LPP: variants seen among roughly 807,000 people sequenced by gnomAD.
LPP encodes LIM domain containing preferred translocation partner in lipoma, also known as lipoma-preferred partner.
In LPP, 38 loss-of-function variants were observed where a neutral mutation model predicts 60.4. The ratio of observed to expected loss-of-function variants is 0.63; its 90% CI spans 0.49 to 0.83. LPP has a LOEUF of 0.83. LPP is among the 40% of genes least tolerant of loss of function. The probability of loss-of-function intolerance (pLI) is 0.00; values close to 1 mark genes in which losing one functional copy is unlikely to be tolerated. For missense variants in LPP, 902 were observed against 783.6 expected, an observed-to-expected ratio of 1.15 and a Z score of -1.80; for synonymous variants, 328 against 290.8, an observed-to-expected ratio of 1.13 and a Z score of -1.30.
intron 9 of LPP, among the ~76,000 whole-genome samples, chr3:188,766,336 A>G (rs1014235105): frequency 1.2e-4 from 15 of 127,370 alleles, no homozygotes; most frequent in African/African-American, 3.8e-4. Context: ...ATGAAAAACC[A>G]TAAGCCCTTG....
At chr3:188,633,554 C>T (rs367712279) in intron 7 of LPP, among the ~76,000 whole-genome samples, 5 of 152,096 alleles carry the variant, frequency 3.3e-5, no homozygotes, top group Non-Finnish European at 5.9e-5. Flanking sequence ...TGAATGAACA[C>T]GCTCATCTTT....
chr3:188,406,855 T>A (rs1023202923), intron 4 of LPP, among the ~76,000 whole-genome samples: 2 of 152,156 alleles, frequency 1.3e-5, no homozygotes, highest in African/African-American at 4.8e-5. Context: ...CAGACAAATA[T>A]GAGTGAAGCC....
At chr3:188,768,624 A>T (rs1235824184) in intron 9 of LPP, among the ~76,000 whole-genome samples, 1 of 152,166 alleles carries the variant, frequency 6.6e-6, no homozygotes, top group Non-Finnish European at 1.5e-5. Context: ...AGCTCTAAGT[A>T]GTATTTACAT....
chr3:188,614,241 T>C (rs1844438965), intron 7 of LPP, among the ~76,000 whole-genome samples: 1 of 152,130 alleles, frequency 6.6e-6, no homozygotes, highest in African/African-American at 2.4e-5. Flanking sequence ...GTTTTAATTT[T>C]TGAAAAGAGA....
intron 2 of LPP, among the ~76,000 whole-genome samples, chr3:188,300,672 G>A (rs1273514860): frequency 6.6e-6 from 1 of 152,102 alleles, no homozygotes. Flanking sequence ...ATTAGTTACA[G>A]AAATACTAAA....
intron 3 of LPP, among the ~76,000 whole-genome samples, chr3:188,378,346 G>C (rs919499364): frequency 2.0e-5 from 3 of 152,348 alleles, no homozygotes; most frequent in South Asian, 2.1e-4. Context: ...GAGCTGTGGT[G>C]GGCTCCACCG....
At chr3:188,384,762 C>A (rs1483434298) in intron 3 of LPP, among the ~76,000 whole-genome samples, 3 of 95,338 alleles carry the variant, frequency 3.1e-5, no homozygotes, top group Admixed American at 1.2e-4. Context: ...TGCACTCCAG[C>A]CTGGGCGACA....
chr3:188,258,185 T>C (rs937382744), intron 2 of LPP, among the ~76,000 whole-genome samples: 2 of 152,240 alleles, frequency 1.3e-5, no homozygotes, highest in African/African-American at 4.8e-5. Flanking sequence ...TTAGGGATTA[T>C]TGTGATACTT....
At chr3:188,276,695 T>TCTCTCTCTCTC (rs1739908128) in intron 2 of LPP, among the ~76,000 whole-genome samples, 10 of 16,404 alleles carry the variant, frequency 6.1e-4, no homozygotes, top group African/African-American at 4.0e-3. Flanking sequence ...CTCTCTCTCT[T>TCTCTCTCTCTC]TCTCTCTCTC....
At chr3:188,331,578 C>G (rs970041453) in intron 2 of LPP, among the ~76,000 whole-genome samples, 2 of 152,150 alleles carry the variant, frequency 1.3e-5, no homozygotes, top group Non-Finnish European at 2.9e-5. Flanking sequence ...CTCTAATTCC[C>G]CCATCTGCCT....
At chr3:188,799,502 G>T (rs1297054014) in intron 9 of LPP, among the ~76,000 whole-genome samples, 1 of 152,090 alleles carries the variant, frequency 6.6e-6, no homozygotes, top group African/African-American at 2.4e-5. Flanking sequence ...TCCTTGCCCT[G>T]TTAATTATTT....
At chr3:188,598,744 C>A (rs981615764) in intron 6 of LPP, among the ~76,000 whole-genome samples, 4 of 152,130 alleles carry the variant, frequency 2.6e-5, no homozygotes, top group African/African-American at 9.6e-5. Flanking sequence ...CTGATTTTTC[C>A]TTTAATATAA....
intron 3 of LPP, among the ~76,000 whole-genome samples, chr3:188,386,893 C>T (rs955569422): frequency 5.9e-5 from 9 of 152,104 alleles, no homozygotes; most frequent in South Asian, 4.1e-4. Flanking sequence ...TTATAATGTA[C>T]GAAGACATTA....
chr3:188,405,269 T>A (rs182367064), intron 3 of LPP, among the ~76,000 whole-genome samples: 1 of 152,312 alleles, frequency 6.6e-6, no homozygotes, highest in African/African-American at 2.4e-5. Context: ...TGCAGATGGA[T>A]CATTTAAAAG....
At chr3:188,472,514 AGAGT>A (rs1421131743) in intron 4 of LPP, 1 of 152,184 alleles carries the variant, frequency 6.6e-6, no homozygotes, top group East Asian at 1.9e-4. Flanking sequence ...GGGTTGAAGG[AGAGT>A]GAGTAATGGT....
intron 9 of LPP, among the ~76,000 whole-genome samples, chr3:188,793,754 T>C (rs915426645): frequency 6.6e-6 from 1 of 152,150 alleles, no homozygotes; most frequent in Non-Finnish European, 1.5e-5. Flanking sequence ...GGTGTGCCCT[T>C]AGGTGCTAGG....
intron 9 of LPP, among the ~76,000 whole-genome samples, chr3:188,846,767 G>T (rs564676089): frequency 2.6e-5 from 4 of 151,960 alleles, no homozygotes; most frequent in African/African-American, 9.7e-5. Context: ...AGAATATAGG[G>T]TACCATAGGG....
chr3:188,497,820 T>C (rs902376641), intron 5 of LPP, among the ~76,000 whole-genome samples: 5 of 152,316 alleles, frequency 3.3e-5, no homozygotes, highest in East Asian at 1.9e-4. Context: ...TTTTAGCTCA[T>C]TGAAAGTCAT....
chr3:188,364,994 G>A (rs1770678873), intron 3 of LPP, among the ~76,000 whole-genome samples: 1 of 152,144 alleles, frequency 6.6e-6, no homozygotes, highest in South Asian at 2.1e-4. Flanking sequence ...AGCAAGTGTT[G>A]GATGTCTGTA....
Sources: gnomAD v4.1 joint callset for allele counts (sites outside exome capture counted in the v4.1 genomes callset) on GRCh38, gnomAD v4.1.1 for gene constraint, MANE v1.5 for transcripts, NCBI Gene and HGNC (gene_info 2026-07-23, HGNC 2026-07-21) for gene names.